Variants in RAB3C observed in about 807,000 individuals in gnomAD.
RAB3C encodes ras-related protein Rab-3C.
A neutral mutation model predicts 26.4 loss-of-function variants in RAB3C; 17 were observed. That is an observed-to-expected ratio of 0.64 (90% CI 0.44 to 0.97). The LOEUF (loss-of-function observed/expected upper bound fraction) is 0.97, where lower values mean the gene tolerates loss of function less well. RAB3C is among the 50% of genes least tolerant of loss of function. RAB3C has a pLI of 0.00. For missense variants in RAB3C, 242 were observed against 281.9 expected (o/e 0.86, Z 1.01); for synonymous variants, 91 against 95.9 (o/e 0.95, Z 0.30).
intron 2 of RAB3C, among the ~76,000 whole-genome samples, chr5:58,699,706 G>C (rs935991493): frequency 6.6e-6 from 1 of 152,180 alleles, no homozygotes; most frequent in African/African-American, 2.4e-5. Flanking sequence ...CTGCTGCCTT[G>C]CCGTTCAGTC....
At chr5:58,752,025 G>T (rs1414669950) in intron 3 of RAB3C, among the ~76,000 whole-genome samples, 2 of 152,002 alleles carry the variant, frequency 1.3e-5, no homozygotes, top group Middle Eastern at 3.4e-3. Flanking sequence ...TAGAATTCCA[G>T]ACTTGCCTAA....
chr5:58,687,500 A>C lies in RAB3C; in HGVS notation c.253-38502A>C, dbSNP rs1289313240. ...AAGTAATTGCAAGTAAAGAAAACCC[A>C]GTAAACGTTTCAGTAATAATTTGCT... On this transcript the variant is annotated intron_variant, in intron 2 of 4. Coordinates refer to ENST00000282878, the MANE Select transcript of RAB3C (RefSeq NM_138453.4). 2.6e-5 allele frequency among the ~76,000 whole-genome samples: 4 copies of C among 152,264 alleles called. No individual in the cohort carries two copies. In the East Asian group the frequency reaches 5.8e-4, roughly 22 times the overall value.
chr5:58,808,072 A>G (rs190876405), intron 3 of RAB3C, among the ~76,000 whole-genome samples: 1,875 of 151,984 alleles, frequency 0.012, 23 homozygotes, highest in Non-Finnish European at 0.019. Context: ...AAAAATACAA[A>G]AAATTAGCCA....
At chr5:58,628,195 G>A (rs562747223) in intron 2 of RAB3C, among the ~76,000 whole-genome samples, 81 of 149,482 alleles carry the variant, frequency 5.4e-4, no homozygotes, top group African/African-American at 1.9e-3. Flanking sequence ...ACAAAGCATC[G>A]TGTGAGAAAC....
chr5:58,606,340 G>A (rs867106888), intron 1 of RAB3C, among the ~76,000 whole-genome samples: 2 of 152,206 alleles, frequency 1.3e-5, no homozygotes, highest in South Asian at 2.1e-4. Context: ...CAGCCTGATG[G>A]GGGAGGGGCA....
At chr5:58,695,064 G>A (rs1462148342) in intron 2 of RAB3C, among the ~76,000 whole-genome samples, 3 of 152,126 alleles carry the variant, frequency 2.0e-5, no homozygotes, top group Admixed American at 2.0e-4. Flanking sequence ...ATGGTTTTAG[G>A]TCTAACATTT....
intron 2 of RAB3C, among the ~76,000 whole-genome samples, chr5:58,680,838 T>C (rs1285025377): frequency 6.6e-6 from 1 of 152,218 alleles, no homozygotes; most frequent in African/African-American, 2.4e-5. Context: ...CTTAATCACA[T>C]CTTCTAAAGA....
chr5:58,733,984 C>G (rs1407029403), intron 3 of RAB3C, among the ~76,000 whole-genome samples: 1 of 152,102 alleles, frequency 6.6e-6, no homozygotes, highest in African/African-American at 2.4e-5. Flanking sequence ...TATTTACATT[C>G]TGCTTTTTAT....
intron 3 of RAB3C, among the ~76,000 whole-genome samples, chr5:58,730,848 T>C (rs975876032): frequency 5.3e-5 from 8 of 152,176 alleles, no homozygotes; most frequent in Admixed American, 2.0e-4. Context: ...GGGTAATTTA[T>C]AAACGAAAGA....
intron 1 of RAB3C, among the ~76,000 whole-genome samples, chr5:58,585,511 A>G (rs967675912): frequency 7.2e-5 from 11 of 152,020 alleles, no homozygotes; most frequent in African/African-American, 2.7e-4. Context: ...ATGGTTCCAT[A>G]AAATAAGAGA....
At chr5:58,739,554 A>C (rs1471414927) in intron 3 of RAB3C, among the ~76,000 whole-genome samples, 1 of 152,208 alleles carries the variant, frequency 6.6e-6, no homozygotes, top group East Asian at 1.9e-4. Context: ...CTATTAAAAA[A>C]AAATTAGAAA....
At chr5:58,683,805 G>A (rs1748393647) in intron 2 of RAB3C, among the ~76,000 whole-genome samples, 1 of 152,044 alleles carries the variant, frequency 6.6e-6, no homozygotes, top group African/African-American at 2.4e-5. Context: ...TAATATAGTG[G>A]CTACTGTGGT....
intron 4 of RAB3C, among the ~76,000 whole-genome samples, chr5:58,838,241 G>T (rs1054076855): frequency 2.6e-5 from 4 of 151,968 alleles, no homozygotes; most frequent in Admixed American, 6.6e-5. Flanking sequence ...TTAGCCAGGC[G>T]TGGTGGCGGG....
chr5:58,797,625 G>A (rs1742704686), intron 3 of RAB3C, among the ~76,000 whole-genome samples: 1 of 151,816 alleles, frequency 6.6e-6, no homozygotes. Flanking sequence ...CCTATAGCAG[G>A]GACCAGCAAA....
intron 2 of RAB3C, among the ~76,000 whole-genome samples, chr5:58,657,351 T>C (rs1317014661): frequency 6.6e-6 from 1 of 151,212 alleles, no homozygotes; most frequent in African/African-American, 2.4e-5. Flanking sequence ...AACTTACTTA[T>C]GTAACCAAAT....
At chr5:58,628,680 C>A (rs56393449) in intron 2 of RAB3C, among the ~76,000 whole-genome samples, 100,035 of 151,320 alleles carry the variant, frequency 0.66, 33,990 homozygotes, top group African/African-American at 0.82. Context: ...ACTTAGTCCC[C>A]GGAGCACAGG....
intron 2 of RAB3C, among the ~76,000 whole-genome samples, chr5:58,695,869 A>C (rs939251299): frequency 1.8e-4 from 28 of 152,238 alleles, no homozygotes; most frequent in Non-Finnish European, 3.4e-4. Context: ...CATCTGCAAA[A>C]AGGGACAATT....
intron 4 of RAB3C, among the ~76,000 whole-genome samples, chr5:58,829,261 G>A (rs1408963830): frequency 6.6e-6 from 1 of 151,924 alleles, no homozygotes; most frequent in Non-Finnish European, 1.5e-5. Context: ...ATATAAGAAT[G>A]TTTTTAAATT....
intron 1 of RAB3C, among the ~76,000 whole-genome samples, chr5:58,599,619 GAGA>G (rs374412906): frequency 2.5e-4 from 38 of 152,140 alleles, no homozygotes; most frequent in African/African-American, 8.0e-4. Flanking sequence ...TATGGGCTGA[GAGA>G]AGAACACTGG....
Sources: gnomAD v4.1 joint callset for allele counts (sites outside exome capture counted in the v4.1 genomes callset) on GRCh38, gnomAD v4.1.1 for gene constraint, MANE v1.5 for transcripts, NCBI Gene and HGNC (gene_info 2026-07-23, HGNC 2026-07-21) for gene names.